TUSC3: variants seen among roughly 807,000 people sequenced by gnomAD.
The protein encoded by TUSC3 is dolichyl-diphosphooligosaccharide--protein glycosyltransferase subunit TUSC3.
TUSC3 carries 45 observed loss-of-function variants against 44.8 expected under a neutral mutation model. That is an observed-to-expected ratio of 1.00 (90% CI 0.79 to 1.29). The LOEUF (loss-of-function observed/expected upper bound fraction) is 1.29, where lower values mean the gene tolerates loss of function less well. Among genes scored for constraint, TUSC3 ranks in the 50% most tolerant of loss-of-function variants. The probability of loss-of-function intolerance (pLI) is 0.00; values close to 1 mark genes in which losing one functional copy is unlikely to be tolerated. For missense variants in TUSC3, 519 were observed against 437.9 expected, an observed-to-expected ratio of 1.19 and a Z score of -1.65; for synonymous variants, 212 against 152.9, an observed-to-expected ratio of 1.39 and a Z score of -2.85.
intron 1 of TUSC3, among the ~76,000 whole-genome samples, chr8:15,442,734 T>C (rs1424037349): frequency 2.0e-5 from 3 of 152,138 alleles, no homozygotes; most frequent in African/African-American, 7.2e-5. Context: ...TGAAAGAATA[T>C]AGGAGGAATG....
At chr8:15,718,327 C>G (rs557252902) in intron 6 of TUSC3, among the ~76,000 whole-genome samples, 1 of 151,900 alleles carries the variant, frequency 6.6e-6, no homozygotes, top group Non-Finnish European at 1.5e-5. Flanking sequence ...GTAGAGGTGC[C>G]GAAGTTGAAG....
intron 7 of TUSC3, among the ~76,000 whole-genome samples, chr8:15,741,825 A>T (rs762599263): frequency 6.6e-6 from 1 of 152,214 alleles, no homozygotes; most frequent in East Asian, 1.9e-4. Flanking sequence ...AGAAAAAATG[A>T]TTAAAGGGGA....
chr8:15,459,897 TACATACAC>T (rs904200720), intron 1 of TUSC3, among the ~76,000 whole-genome samples: 22 of 151,780 alleles, frequency 1.4e-4, no homozygotes, highest in African/African-American at 5.3e-4. Context: ...CATACATACA[TACATACAC>T]ACATACCACA....
At chr8:15,694,269 C>G (rs1241610133) in intron 6 of TUSC3, among the ~76,000 whole-genome samples, 3 of 151,748 alleles carry the variant, frequency 2.0e-5, no homozygotes, top group Non-Finnish European at 4.4e-5. Context: ...ATGGTGAAAC[C>G]CTGTCTCTAC....
intron 1 of TUSC3, among the ~76,000 whole-genome samples, chr8:15,430,354 A>C (rs1799857133): frequency 6.6e-6 from 1 of 150,734 alleles, no homozygotes; most frequent in Non-Finnish European, 1.5e-5. Context: ...AATCCAGCGT[A>C]TAAACAGAAC....
At chr8:15,750,076 T>C (rs905634547) in intron 9 of TUSC3, among the ~76,000 whole-genome samples, 3 of 150,720 alleles carry the variant, frequency 2.0e-5, no homozygotes, top group Admixed American at 6.6e-5. Context: ...GCCTCCCAGG[T>C]TCACTCCATT....
chr8:15,512,500 C>T (rs575411097), intron 2 of TUSC3, among the ~76,000 whole-genome samples: 4 of 152,166 alleles, frequency 2.6e-5, no homozygotes, highest in Admixed American at 6.5e-5. Context: ...TGGCTGGGCA[C>T]GGTGGCTCAC....
downstream of TUSC3, among the ~76,000 whole-genome samples, chr8:15,771,578 A>G (rs1812439193): frequency 6.6e-6 from 1 of 152,192 alleles, no homozygotes; most frequent in Non-Finnish European, 1.5e-5. Flanking sequence ...GAACCTCTAA[A>G]TTAAAAACTC....
At chr8:15,770,088 A>T (rs959895372), downstream of TUSC3, among the ~76,000 whole-genome samples, 8 of 152,180 alleles carry the variant, frequency 5.3e-5, no homozygotes, top group African/African-American at 1.9e-4. Context: ...ATTATAAATC[A>T]ATCTACTTTA....
chr8:15,528,325 T>G, intron 2 of TUSC3, among the ~76,000 whole-genome samples: 1 of 152,166 alleles, frequency 6.6e-6, no homozygotes, highest in African/African-American at 2.4e-5. Flanking sequence ...GGAAATGAAT[T>G]AGGAAGAAAG....
chr8:15,820,869 C>G, the TUSC3 span, among the ~76,000 whole-genome samples: 1 of 152,100 alleles, frequency 6.6e-6, no homozygotes, highest in African/African-American at 2.4e-5. Context: ...AAATCAAAAT[C>G]ATAACATTAC....
At chr8:15,478,193 G>A (rs1018828972) in intron 1 of TUSC3, among the ~76,000 whole-genome samples, 7 of 152,044 alleles carry the variant, frequency 4.6e-5, no homozygotes. Context: ...CTCAAAGTCC[G>A]GGCCTCAAGT....
intron 1 of TUSC3, among the ~76,000 whole-genome samples, chr8:15,541,083 T>C (rs1178653272): frequency 6.6e-6 from 1 of 152,248 alleles, no homozygotes; most frequent in Non-Finnish European, 1.5e-5. Flanking sequence ...GCATTTTTTA[T>C]TTTGTGCAAG....
intron 2 of TUSC3, among the ~76,000 whole-genome samples, chr8:15,501,160 T>C (rs561932670): frequency 6.6e-6 from 1 of 152,298 alleles, no homozygotes; most frequent in South Asian, 2.1e-4. Context: ...TCCTGACCTT[T>C]AACCACAAAA....
At chr8:15,516,011 A>T (rs1243842952) in intron 2 of TUSC3, among the ~76,000 whole-genome samples, 1 of 152,052 alleles carries the variant, frequency 6.6e-6, no homozygotes, top group Non-Finnish European at 1.5e-5. Context: ...TGTCCTTAGC[A>T]TTTTCTCAGA....
At chr8:15,663,618 G>A (rs533051662) in intron 5 of TUSC3, among the ~76,000 whole-genome samples, 35 of 151,964 alleles carry the variant, frequency 2.3e-4, no homozygotes, top group South Asian at 1.0e-3. Flanking sequence ...CAAATTAGAT[G>A]TTTGGCCTTT....
the TUSC3 span, among the ~76,000 whole-genome samples, chr8:15,842,331 A>T: frequency 6.6e-6 from 1 of 152,172 alleles, no homozygotes; most frequent in Non-Finnish European, 1.5e-5. Context: ...ATCATCTATA[A>T]ATCAGTCTTA....
At chr8:15,689,826 GT>G (rs2129189277) in intron 6 of TUSC3, among the ~76,000 whole-genome samples, 1 of 43,852 alleles carries the variant, frequency 2.3e-5, no homozygotes, top group South Asian at 7.9e-4. Context: ...TCCATGGTGT[GT>G]GTGTGTGTGT....
At chr8:15,465,626 A>AATT (rs1448416279) in intron 1 of TUSC3, among the ~76,000 whole-genome samples, 17 of 152,224 alleles carry the variant, frequency 1.1e-4, no homozygotes, top group African/African-American at 4.1e-4. Context: ...CTGAATTATA[A>AATT]AAGGCTTAAT....
Sources: gnomAD v4.1 joint callset for allele counts (sites outside exome capture counted in the v4.1 genomes callset) on GRCh38, gnomAD v4.1.1 for gene constraint, MANE v1.5 for transcripts, NCBI Gene and HGNC (gene_info 2026-07-23, HGNC 2026-07-21) for gene names.